Variants in CNTN5 observed in about 807,000 individuals in gnomAD.
CNTN5 encodes contactin-5.
In CNTN5, 77 loss-of-function variants were observed where a neutral mutation model predicts 129.1. The ratio of observed to expected loss-of-function variants is 0.60; its 90% CI spans 0.50 to 0.72. CNTN5 has a LOEUF of 0.72. Ranked by LOEUF, CNTN5 falls within the 30% of genes least tolerant of loss-of-function variation. The probability of loss-of-function intolerance (pLI) is 0.00; values close to 1 mark genes in which losing one functional copy is unlikely to be tolerated. For missense variants in CNTN5, 1,478 were observed against 1,328.8 expected, an observed-to-expected ratio of 1.11 and a Z score of -1.75; for synonymous variants, 509 against 465.6, an observed-to-expected ratio of 1.09 and a Z score of -1.20.
At chr11:100,195,659 A>C (rs1049731027) in intron 15 of CNTN5, among the ~76,000 whole-genome samples, 3 of 151,994 alleles carry the variant, frequency 2.0e-5, no homozygotes, top group Admixed American at 6.6e-5. Context: ...TTAAGGTATA[A>C]AGCCAAAATA....
chr11:99,964,572 G>A (rs2136202210), intron 8 of CNTN5, among the ~76,000 whole-genome samples: 1 of 152,272 alleles, frequency 6.6e-6, no homozygotes, highest in South Asian at 2.1e-4. Context: ...GTATTTTATT[G>A]AGGATTTTTG....
At chr11:99,671,685 T>C (rs1953051553) in intron 3 of CNTN5, among the ~76,000 whole-genome samples, 1 of 152,214 alleles carries the variant, frequency 6.6e-6, no homozygotes, top group Non-Finnish European at 1.5e-5. Context: ...ATTACTTAGC[T>C]TTTGTTCTAT....
At chr11:99,224,669 T>TTC (rs1860582263) in intron 1 of CNTN5, among the ~76,000 whole-genome samples, 1 of 146,878 alleles carries the variant, frequency 6.8e-6, no homozygotes, top group African/African-American at 2.5e-5. Flanking sequence ...TTTTTTTTTT[T>TTC]TTTTTTTTGA....
intron 1 of CNTN5, among the ~76,000 whole-genome samples, chr11:99,157,039 G>A (rs374548388): frequency 1.3e-5 from 2 of 151,748 alleles, no homozygotes; most frequent in Non-Finnish European, 2.9e-5. Context: ...ATAAAACCTT[G>A]CATGCATGAT....
intron 4 of CNTN5, among the ~76,000 whole-genome samples, chr11:99,834,532 A>G (rs1022834872): frequency 2.0e-5 from 3 of 152,138 alleles, no homozygotes; most frequent in African/African-American, 7.2e-5. Flanking sequence ...AGAAAAGACC[A>G]AACCACAATT....
At chr11:100,297,936 T>A (rs1253302686) in intron 19 of CNTN5, among the ~76,000 whole-genome samples, 2 of 151,510 alleles carry the variant, frequency 1.3e-5, no homozygotes, top group East Asian at 3.9e-4. Flanking sequence ...ACTGAGGCAC[T>A]GTTACATATT....
intron 2 of CNTN5, among the ~76,000 whole-genome samples, chr11:99,554,137 C>A (rs1232165957): frequency 1.3e-5 from 2 of 151,956 alleles, no homozygotes; most frequent in Admixed American, 6.6e-5. Context: ...TTTCATAACA[C>A]CCCTACATGG....
At chr11:100,067,505 T>C (rs965902567) in intron 10 of CNTN5, among the ~76,000 whole-genome samples, 2 of 151,502 alleles carry the variant, frequency 1.3e-5, no homozygotes, top group African/African-American at 2.4e-5. Flanking sequence ...TTATGCAACA[T>C]AGAGATAAAG....
chr11:99,770,889 G>C (rs979711293), intron 3 of CNTN5, among the ~76,000 whole-genome samples: 2 of 152,064 alleles, frequency 1.3e-5, no homozygotes, highest in African/African-American at 4.8e-5. Context: ...AGGCATCACA[G>C]CTTTATGATT....
intron 1 of CNTN5, among the ~76,000 whole-genome samples, chr11:99,028,029 A>C (rs1484625938): frequency 6.6e-6 from 1 of 151,776 alleles, no homozygotes; most frequent in Non-Finnish European, 1.5e-5. Context: ...TAGTCATTTT[A>C]GTTCTTTGAA....
At chr11:100,341,856 T>C (rs969856527) in intron 23 of CNTN5, among the ~76,000 whole-genome samples, 3 of 151,982 alleles carry the variant, frequency 2.0e-5, no homozygotes, top group Admixed American at 6.6e-5. Flanking sequence ...CAGATTCTGT[T>C]TGTTGCATTA....
chr11:100,039,762 G>A (rs537536165), intron 9 of CNTN5, among the ~76,000 whole-genome samples: 5 of 152,170 alleles, frequency 3.3e-5, no homozygotes, highest in East Asian at 1.9e-4. Context: ...TGATGGCATT[G>A]GCTACTGAGG....
intron 3 of CNTN5, among the ~76,000 whole-genome samples, chr11:99,759,018 A>G (rs1944491583): frequency 6.6e-6 from 1 of 152,106 alleles, no homozygotes; most frequent in Non-Finnish European, 1.5e-5. Context: ...GAGGAAATTA[A>G]CACTTATACT....
At chr11:100,173,463 G>T (rs1947878780) in intron 13 of CNTN5, among the ~76,000 whole-genome samples, 1 of 152,128 alleles carries the variant, frequency 6.6e-6, no homozygotes, top group African/African-American at 2.4e-5. Context: ...GAAGAGAAAA[G>T]AAGTAGAGAG....
At chr11:99,855,805 C>G (rs902857605) in intron 6 of CNTN5, among the ~76,000 whole-genome samples, 1 of 151,744 alleles carries the variant, frequency 6.6e-6, no homozygotes. Flanking sequence ...TAAGCTTAAA[C>G]TAAGTAAACC....
At position 100,356,928 on chromosome 11, in the gene CNTN5, TATG is replaced by T. The variant is rs1422460406; in HGVS notation, c.*709_*711del. Reference sequence around the variant, plus strand: ...AGTGCTATAGTTTTTCATAAAGTACTATGTTATCTAGCAGCAAATATAATAAAT... The same window carrying T: ...AGTGCTATAGTTTTTCATAAAGTACTTTATCTAGCAGCAAATATAATAAAT... On this transcript the variant is annotated 3_prime_UTR_variant, in exon 25 of 25. Transcript: ENST00000524871. 7 of 151,868 alleles carry T rather than the reference TATG, an allele frequency of 4.6e-5. No individual in the cohort carries two copies. Among genetic ancestry groups the T allele is most frequent in the Middle Eastern group, 3.4e-3 (1 of 294 alleles). 9.4% of individuals were successfully genotyped at this position (151,868 alleles called of 1,614,324 possible). A position where few individuals can be genotyped will look rare whatever the true frequency, so the allele number is the denominator to read the frequency against.
intron 9 of CNTN5, among the ~76,000 whole-genome samples, chr11:100,030,744 T>C (rs779820342): frequency 1.4e-4 from 21 of 152,182 alleles, no homozygotes; most frequent in Non-Finnish European, 2.6e-4. Context: ...TACTTACTTA[T>C]AAAACACAAA....
chr11:99,391,488 T>C (rs1941257100), intron 2 of CNTN5, among the ~76,000 whole-genome samples: 1 of 152,124 alleles, frequency 6.6e-6, no homozygotes, highest in South Asian at 2.1e-4. Context: ...AAGATTCTGA[T>C]CTCATCACAT....
chr11:99,656,149 A>G (rs1463116521), intron 3 of CNTN5, among the ~76,000 whole-genome samples: 1 of 152,058 alleles, frequency 6.6e-6, no homozygotes, highest in East Asian at 1.9e-4. Flanking sequence ...TTGCAGTCAT[A>G]GATAAATTAA....
Sources: gnomAD v4.1 joint callset for allele counts (sites outside exome capture counted in the v4.1 genomes callset) on GRCh38, gnomAD v4.1.1 for gene constraint, MANE v1.5 for transcripts, NCBI Gene and HGNC (gene_info 2026-07-23, HGNC 2026-07-21) for gene names.